Variants in FHOD3 observed in about 807,000 individuals in gnomAD.
FHOD3 encodes formin homology 2 domain containing 3.
In FHOD3, 90 loss-of-function variants were observed where a neutral mutation model predicts 173.0. The observed-to-expected ratio is 0.52, with a 90% CI of 0.44 to 0.62. FHOD3 has a LOEUF of 0.62. Among genes scored for constraint, FHOD3 ranks in the 20% least tolerant of loss-of-function variants. The pLI, the probability that FHOD3 is intolerant of heterozygous loss-of-function variation, is 0.00. For missense variants in FHOD3, 1,945 were observed against 2,034.7 expected (o/e 0.96, Z 0.85); for synonymous variants, 828 against 823.0 (o/e 1.01, Z -0.10).
At chr18:36,569,337 G>C (rs1237477846) in intron 5 of FHOD3, among the ~76,000 whole-genome samples, 5 of 152,100 alleles carry the variant, frequency 3.3e-5, no homozygotes, top group Non-Finnish European at 5.9e-5. Context: ...TTAATTATTA[G>C]AAGAAGTAGG....
rs542979348 is a variant in FHOD3, at chr18:36,688,940, G to A, written c.2021+1762G>A. 2.4e-4 allele frequency among the ~76,000 whole-genome samples: 37 copies of A among 152,304 alleles called. No individual in the cohort carries two copies. The East Asian group carries it at 6.8e-3, about 28-fold the overall frequency. ...TGCTTCTCCTCTCTCCTCTGGTTCTGCCCATAGTCTTTGCTCCCAGGCTGC... is the reference window on the plus strand; with the variant it reads ...TGCTTCTCCTCTCTCCTCTGGTTCTACCCATAGTCTTTGCTCCCAGGCTGC... On this transcript the variant is annotated intron_variant, in intron 16 of 28. Coordinates refer to ENST00000590592, the MANE Select transcript of FHOD3 (RefSeq NM_001281740.3).
chr18:36,712,658 G>A (rs934655231), intron 18 of FHOD3, among the ~76,000 whole-genome samples: 3 of 152,092 alleles, frequency 2.0e-5, no homozygotes, highest in Non-Finnish European at 2.9e-5. Flanking sequence ...CCAATTCATC[G>A]GAATCTGGGG....
chr18:36,489,931 T>G (rs532894613), intron 3 of FHOD3, among the ~76,000 whole-genome samples: 2 of 152,284 alleles, frequency 1.3e-5, no homozygotes, highest in African/African-American at 4.8e-5. Flanking sequence ...AGATAGAGAC[T>G]GAAGAGAGAG....
intron 28 of FHOD3, 41 bp from the exon 29 acceptor site, chr18:36,779,402 CCTTTT>C: frequency 1.3e-6 from 2 of 1,584,042 alleles, no homozygotes; most frequent in Non-Finnish European, 1.7e-6. Context: ...GCTCATACTT[CCTTTT>C]CTTCTCATCC....
chr18:36,324,361 G>A (rs957716870), intron 1 of FHOD3, among the ~76,000 whole-genome samples: 2 of 152,062 alleles, frequency 1.3e-5, no homozygotes, highest in Non-Finnish European at 2.9e-5. Context: ...TAGCCATAAA[G>A]GAATAAATAA....
chr18:36,709,507 T>A (rs1215272628), intron 18 of FHOD3, 116 bp downstream of exon 18: 9 of 1,143,462 alleles, frequency 7.9e-6, no homozygotes, highest in Non-Finnish European at 9.8e-6. Flanking sequence ...GTCAACCCAC[T>A]CATGTGGCTG....
intron 4 of FHOD3, among the ~76,000 whole-genome samples, chr18:36,509,805 T>G (rs1356750976): frequency 2.0e-5 from 3 of 152,236 alleles, no homozygotes; most frequent in African/African-American, 7.2e-5. Context: ...AAGTTCACTC[T>G]GTAGTGTTTG....
chr18:36,530,129 G>A (rs1202498518), intron 5 of FHOD3, among the ~76,000 whole-genome samples: 2 of 152,164 alleles, frequency 1.3e-5, no homozygotes, highest in East Asian at 1.9e-4. Context: ...CTTATCAGTC[G>A]TGTTTGTAAT....
At chr18:36,312,745 TGTCA>T (rs2092288702) in intron 1 of FHOD3, among the ~76,000 whole-genome samples, 1 of 152,236 alleles carries the variant, frequency 6.6e-6, no homozygotes, top group Non-Finnish European at 1.5e-5. Context: ...TTTGAGAAAG[TGTCA>T]GTCACATGGG....
intron 3 of FHOD3, among the ~76,000 whole-genome samples, chr18:36,384,519 G>C (rs2047933526): frequency 6.9e-6 from 1 of 145,714 alleles, no homozygotes; most frequent in African/African-American, 2.6e-5. Context: ...GCAGTGAGTT[G>C]ATATCATGCC....
intron 1 of FHOD3, among the ~76,000 whole-genome samples, chr18:36,322,471 G>A (rs531070987): frequency 2.6e-5 from 4 of 152,258 alleles, no homozygotes; most frequent in African/African-American, 9.6e-5. Flanking sequence ...TAAGGCAGGA[G>A]CAGGTACACC....
At chr18:36,307,776 A>G (rs2092142152) in intron 1 of FHOD3, among the ~76,000 whole-genome samples, 1 of 152,230 alleles carries the variant, frequency 6.6e-6, no homozygotes, top group African/African-American at 2.4e-5. Flanking sequence ...CTTATACAAC[A>G]AAGCATCTGT....
intron 5 of FHOD3, among the ~76,000 whole-genome samples, chr18:36,514,683 C>A (rs1283125255): frequency 1.3e-5 from 2 of 152,188 alleles, no homozygotes; most frequent in Non-Finnish European, 2.9e-5. Flanking sequence ...ATATTATAAC[C>A]ATCTTCTGTT....
At chr18:36,370,520 A>T (rs2047129846) in intron 2 of FHOD3, among the ~76,000 whole-genome samples, 1 of 152,042 alleles carries the variant, frequency 6.6e-6, no homozygotes, top group African/African-American at 2.4e-5. Context: ...GTGGGTCTAG[A>T]GAATTATGTG....
At chr18:36,583,186 G>A (rs954759192) in intron 6 of FHOD3, among the ~76,000 whole-genome samples, 1 of 152,156 alleles carries the variant, frequency 6.6e-6, no homozygotes, top group African/African-American at 2.4e-5. Flanking sequence ...TACAATTAGT[G>A]GGAAGCCGTT....
chr18:36,452,383 A>G (rs893887920), intron 3 of FHOD3, among the ~76,000 whole-genome samples: 5 of 152,244 alleles, frequency 3.3e-5, no homozygotes, highest in African/African-American at 1.2e-4. Context: ...TGAGAAGTCA[A>G]AAGAAAAACA....
chr18:36,452,506 T>C (rs913921437), intron 3 of FHOD3, among the ~76,000 whole-genome samples: 1 of 152,212 alleles, frequency 6.6e-6, no homozygotes, highest in African/African-American at 2.4e-5. Context: ...TACAGTACAG[T>C]GGTGTTAACT....
At chr18:36,483,235 T>G (rs924299883) in intron 3 of FHOD3, among the ~76,000 whole-genome samples, 1 of 152,172 alleles carries the variant, frequency 6.6e-6, no homozygotes, top group Non-Finnish European at 1.5e-5. Context: ...CCAGGTCTTA[T>G]GGTATGTCCT....
chr18:36,506,162 ATGTGAC>A (rs1370040693), intron 4 of FHOD3, among the ~76,000 whole-genome samples: 9 of 152,190 alleles, frequency 5.9e-5, no homozygotes, highest in African/African-American at 2.2e-4. Context: ...TTTCCCTCAA[ATGTGAC>A]TTCATTAATT....
Sources: gnomAD v4.1 joint callset for allele counts (sites outside exome capture counted in the v4.1 genomes callset) on GRCh38, gnomAD v4.1.1 for gene constraint, MANE v1.5 for transcripts, NCBI Gene and HGNC (gene_info 2026-07-23, HGNC 2026-07-21) for gene names.